Variants in MAP4K4 observed in about 807,000 individuals in gnomAD.
The protein encoded by MAP4K4 is mitogen-activated protein kinase kinase kinase kinase 4, also known as HPK/GCK-like kinase HGK.
MAP4K4 carries 38 observed loss-of-function variants against 189.6 expected under a neutral mutation model. The observed-to-expected ratio is 0.20, with a 90% CI of 0.15 to 0.26. The LOEUF (loss-of-function observed/expected upper bound fraction) is 0.26. Ranked by LOEUF, MAP4K4 falls within the 10% of genes least tolerant of loss-of-function variation. MAP4K4 has a pLI of 1.00. For missense variants in MAP4K4, 1,054 were observed against 1,726.9 expected, an observed-to-expected ratio of 0.61 and a Z score of 6.91; for synonymous variants, 610 against 624.3, an observed-to-expected ratio of 0.98 and a Z score of 0.34.
At chr2:101,709,152 G>A (rs1158735173) in intron 2 of MAP4K4, among the ~76,000 whole-genome samples, 3 of 152,172 alleles carry the variant, frequency 2.0e-5, no homozygotes, top group Non-Finnish European at 4.4e-5. Context: ...GAAGTTTTGT[G>A]TCCCTGAATC....
chr2:101,779,811 T>C (rs915001592), intron 2 of MAP4K4, among the ~76,000 whole-genome samples: 27 of 124,396 alleles, frequency 2.2e-4, no homozygotes, highest in Admixed American at 6.4e-4. Context: ...TCACCTCTCT[T>C]TTTTTTTTTT....
chr2:101,732,789 A>G (rs1050902384), intron 2 of MAP4K4, among the ~76,000 whole-genome samples: 1 of 152,180 alleles, frequency 6.6e-6, no homozygotes, highest in Non-Finnish European at 1.5e-5. Flanking sequence ...GGGTTTCACC[A>G]TGTTGGACAG....
chr2:101,743,661 C>G (rs1335197824), intron 2 of MAP4K4, among the ~76,000 whole-genome samples: 1 of 152,052 alleles, frequency 6.6e-6, no homozygotes, highest in African/African-American at 2.4e-5. Context: ...ATAACACTTT[C>G]TTTTTTTCTT....
At chr2:101,771,574 A>AT in intron 2 of MAP4K4, among the ~76,000 whole-genome samples, 1 of 151,874 alleles carries the variant, frequency 6.6e-6, no homozygotes, top group Middle Eastern at 3.4e-3. Flanking sequence ...AAGGGGGAGG[A>AT]TTTTTTCACT....
intron 2 of MAP4K4, among the ~76,000 whole-genome samples, chr2:101,708,546 C>T (rs1442794722): frequency 6.6e-6 from 1 of 152,086 alleles, no homozygotes; most frequent in Admixed American, 6.5e-5. Flanking sequence ...ATGCTGGCTG[C>T]TGCTTTGAAC....
At chr2:101,774,546 G>A (rs1162620516) in intron 2 of MAP4K4, among the ~76,000 whole-genome samples, 1 of 152,088 alleles carries the variant, frequency 6.6e-6, no homozygotes, top group East Asian at 1.9e-4. Context: ...CATTAGCAGT[G>A]CAAGAAGCTT....
intron 12 of MAP4K4, among the ~76,000 whole-genome samples, chr2:101,844,744 A>G (rs1038139552): frequency 2.0e-5 from 3 of 151,970 alleles, no homozygotes; most frequent in Non-Finnish European, 2.9e-5. Context: ...TTTCACATGA[A>G]AGTTTTTTTT....
intron 27 of MAP4K4, among the ~76,000 whole-genome samples, chr2:101,881,144 T>C (rs2098378538): frequency 6.6e-6 from 1 of 152,236 alleles, no homozygotes; most frequent in East Asian, 1.9e-4. Flanking sequence ...TTCTTTGATT[T>C]CATCAGAATT....
At chr2:101,824,114 G>A in intron 4 of MAP4K4, 61 bp downstream of exon 4, 2 of 1,201,870 alleles carry the variant, frequency 1.7e-6, no homozygotes, top group Non-Finnish European at 2.2e-6. Context: ...TAAGGGCATG[G>A]CGGGGGTGGG....
intron 2 of MAP4K4, among the ~76,000 whole-genome samples, chr2:101,739,899 G>A (rs2061874125): frequency 6.6e-6 from 1 of 152,096 alleles, no homozygotes; most frequent in African/African-American, 2.4e-5. Flanking sequence ...TTGTTAGTAG[G>A]GCAGTCACTC....
chr2:101,824,018 A>G, exon 4 of MAP4K4: 2 of 1,609,680 alleles, frequency 1.2e-6, no homozygotes, highest in South Asian at 1.1e-5. Context: ...TGCTTTCATC[A>G]AAAAGAGCCC....
chr2:101,887,981 C>T lies in MAP4K4; in HGVS notation c.3931+44C>T, dbSNP rs377231093. 76 of 1,512,206 alleles carry T rather than the reference C, an allele frequency of 5.0e-5. No individual in the cohort carries two copies. The African/African-American group carries it at 6.6e-4, about 13-fold the overall frequency. 93.7% of individuals were successfully genotyped at this position (1,512,206 alleles called of 1,614,324 possible). ...AAGGCAGCATTTGTGAAAATGGAGC[C>T]GTGTCTGAGACTCCATTTATTTATC... On this transcript the variant is annotated intron_variant, in intron 31 of 32. Coordinates refer to ENST00000324219, the Ensembl canonical transcript of MAP4K4.
intron 3 of MAP4K4, among the ~76,000 whole-genome samples, chr2:101,816,835 A>T (rs2095755103): frequency 6.6e-6 from 1 of 152,108 alleles, no homozygotes; most frequent in South Asian, 2.1e-4. Context: ...TCCCTGCACA[A>T]CTGACCATTG....
intron 24 of MAP4K4, among the ~76,000 whole-genome samples, chr2:101,872,425 A>G (rs1375418949): frequency 6.6e-6 from 1 of 152,192 alleles, no homozygotes; most frequent in African/African-American, 2.4e-5. Flanking sequence ...GTGTTAGCTC[A>G]GTCTGGGTGA....
intron 3 of MAP4K4, among the ~76,000 whole-genome samples, chr2:101,801,947 T>C (rs185176432): frequency 1.3e-5 from 2 of 152,342 alleles, no homozygotes; most frequent in African/African-American, 4.8e-5. Context: ...GTGGACTACT[T>C]GCTTTCTGTC....
At chr2:101,797,308 G>A (rs1445951230) in intron 3 of MAP4K4, 5 of 1,290,666 alleles carry the variant, frequency 3.9e-6, no homozygotes, top group East Asian at 5.5e-5. Flanking sequence ...TCTGTTTTAG[G>A]GTGTTGGTGG....
At chr2:101,757,917 T>C (rs2073754508) in intron 2 of MAP4K4, among the ~76,000 whole-genome samples, 1 of 152,006 alleles carries the variant, frequency 6.6e-6, no homozygotes. Flanking sequence ...CCCAGCTACT[T>C]GAGAGGCTGA....
At chr2:101,720,006 A>G (rs142812320) in intron 2 of MAP4K4, among the ~76,000 whole-genome samples, 122 of 152,074 alleles carry the variant, frequency 8.0e-4, no homozygotes, top group African/African-American at 2.8e-3. Flanking sequence ...GAGTGAGACT[A>G]GGTCTCAAAA....
intron 10 of MAP4K4, among the ~76,000 whole-genome samples, chr2:101,841,166 C>T (rs2096907211): frequency 6.6e-6 from 1 of 152,168 alleles, no homozygotes; most frequent in Non-Finnish European, 1.5e-5. Flanking sequence ...AGCACCTTCC[C>T]TTCCTTTCTC....
Sources: allele counts gnomAD v4.1 joint callset (sites outside exome capture counted in the v4.1 genomes callset), GRCh38; gene constraint gnomAD v4.1.1; transcripts MANE v1.5; gene names NCBI Gene and HGNC (gene_info 2026-07-23, HGNC 2026-07-21).